Variants in ABTB3 observed in about 807,000 individuals in gnomAD.
ABTB3 encodes the protein ankyrin repeat and BTB domain containing 3, also known as ankyrin repeat- and BTB/POZ domain-containing protein 3.
At chr12:107,588,436 G>C in the ABTB3 span, among the ~76,000 whole-genome samples, 1 of 152,240 alleles carries the variant, frequency 6.6e-6, no homozygotes, top group African/African-American at 2.4e-5. Flanking sequence ...ATGGGAGAGT[G>C]TGTAGCTAGG....
At chr12:107,418,491 C>A in the ABTB3 span, among the ~76,000 whole-genome samples, 1 of 152,224 alleles carries the variant, frequency 6.6e-6, no homozygotes, top group Non-Finnish European at 1.5e-5. Flanking sequence ...AGACCTGCAT[C>A]CTGTCCTCAC....
At chr12:107,657,502 T>C in the ABTB3 span, 1 of 1,613,332 alleles carries the variant, frequency 6.2e-7, no homozygotes, top group Non-Finnish European at 8.5e-7. Flanking sequence ...CTCTCCACTC[T>C]CCACAGTTTC....
chr12:107,602,977 T>G, the ABTB3 span, among the ~76,000 whole-genome samples: 138 of 152,326 alleles, frequency 9.1e-4, 3 homozygotes, highest in East Asian at 0.025. Flanking sequence ...GTAGCTGCCC[T>G]CTCACTTAAA....
the ABTB3 span, among the ~76,000 whole-genome samples, chr12:107,331,013 C>G: frequency 4.6e-5 from 7 of 152,144 alleles, no homozygotes; most frequent in Non-Finnish European, 1.0e-4. Flanking sequence ...CAGTGCCTGC[C>G]TCTGAGGTTG....
the ABTB3 span, among the ~76,000 whole-genome samples, chr12:107,556,895 CA>C: frequency 6.6e-6 from 1 of 151,928 alleles, no homozygotes; most frequent in Admixed American, 6.6e-5. Flanking sequence ...GACTGTAATC[CA>C]AGCTACTCGG....
the ABTB3 span, among the ~76,000 whole-genome samples, chr12:107,603,477 C>T: frequency 2.0e-5 from 3 of 152,074 alleles, no homozygotes; most frequent in African/African-American, 4.8e-5. Context: ...TGGCAAAGGA[C>T]GCTCTCTTCA....
At chr12:107,392,232 A>G in the ABTB3 span, among the ~76,000 whole-genome samples, 3 of 152,154 alleles carry the variant, frequency 2.0e-5, no homozygotes, top group Middle Eastern at 3.4e-3. Flanking sequence ...GCCGTGAGCT[A>G]GCTTCTTTGG....
the ABTB3 span, chr12:107,319,990 C>A: frequency 3.2e-6 from 5 of 1,583,526 alleles, no homozygotes; most frequent in Middle Eastern, 1.7e-4. Context: ...CCGTGGAGAC[C>A]CTGGAGCACA....
At chr12:107,336,298 A>T in the ABTB3 span, among the ~76,000 whole-genome samples, 1 of 152,188 alleles carries the variant, frequency 6.6e-6, no homozygotes, top group Admixed American at 6.5e-5. Flanking sequence ...TGACTTTGGG[A>T]TATTGTGACT....
the ABTB3 span, among the ~76,000 whole-genome samples, chr12:107,375,297 G>T: frequency 1.3e-5 from 2 of 152,144 alleles, no homozygotes; most frequent in East Asian, 3.9e-4. Context: ...ATGTGCCTGT[G>T]ATCCTGGCTA....
chr12:107,525,052 G>T, the ABTB3 span, among the ~76,000 whole-genome samples: 1 of 152,126 alleles, frequency 6.6e-6, no homozygotes, highest in Non-Finnish European at 1.5e-5. Flanking sequence ...CTGGCCAGGT[G>T]CAGTGACTCA....
chr12:107,447,590 T>C, the ABTB3 span, among the ~76,000 whole-genome samples: 1 of 152,216 alleles, frequency 6.6e-6, no homozygotes, highest in East Asian at 1.9e-4. Context: ...TGTTCTTGCC[T>C]GCAACTGGGA....
the ABTB3 span, chr12:107,640,288 T>C: frequency 2.2e-6 from 3 of 1,379,108 alleles, no homozygotes; most frequent in Non-Finnish European, 3.0e-6. Context: ...TAAAGCTACC[T>C]TTTTTTCCCT....
At chr12:107,651,153 G>A in the ABTB3 span, among the ~76,000 whole-genome samples, 2 of 152,066 alleles carry the variant, frequency 1.3e-5, no homozygotes, top group Non-Finnish European at 2.9e-5. Flanking sequence ...CAGCAGCGAT[G>A]AAAACCGACA....
chr12:107,635,187 T>A, the ABTB3 span: 1 of 1,033,072 alleles, frequency 9.7e-7, no homozygotes, highest in Non-Finnish European at 1.4e-6. Context: ...AGTAAATGTG[T>A]GAGCTCTTAT....
chr12:107,324,106 T>C, the ABTB3 span, among the ~76,000 whole-genome samples: 1 of 152,224 alleles, frequency 6.6e-6, no homozygotes, highest in African/African-American at 2.4e-5. Flanking sequence ...TCTAAGCCTA[T>C]TATAATCTGG....
chr12:107,657,986 C>T, the ABTB3 span: 16 of 494,670 alleles, frequency 3.2e-5, no homozygotes, highest in East Asian at 5.0e-4. Flanking sequence ...CACCCACTGC[C>T]GGGGACCACT....
chr12:107,566,636 A>T, the ABTB3 span, among the ~76,000 whole-genome samples: 1 of 140,408 alleles, frequency 7.1e-6, no homozygotes, highest in South Asian at 2.2e-4. Context: ...AGCTTTCATC[A>T]TCTAATTTAA....
the ABTB3 span, among the ~76,000 whole-genome samples, chr12:107,467,771 G>A: frequency 1.3e-5 from 2 of 152,148 alleles, no homozygotes; most frequent in Non-Finnish European, 2.9e-5. Flanking sequence ...TTAGGGAAAA[G>A]ACCAGGAGAA....
Sources: allele counts gnomAD v4.1 joint callset (sites outside exome capture counted in the v4.1 genomes callset), GRCh38; gene constraint gnomAD v4.1.1; transcripts MANE v1.5; gene names NCBI Gene and HGNC (gene_info 2026-07-23, HGNC 2026-07-21).